GGACT: variants seen among roughly 807,000 people sequenced by gnomAD.
GGACT encodes gamma-glutamylaminecyclotransferase.
For missense variants in GGACT, 241 were observed against 233.2 expected (o/e 1.03, Z -0.22); for synonymous variants, 118 against 115.3 (o/e 1.02, Z -0.15).
chr13:100,530,598 T>C lies in GGACT; in HGVS notation c.*1532A>G, dbSNP rs1333870808. ...AATTAGCACTTGCCATTTTTTCATC[T>C]GATTGCCTTACTACTTCTAGAAGTG... On this transcript the variant is annotated 3_prime_UTR_variant, in exon 3 of 3. Transcript: ENST00000683975. The C allele has an allele frequency of 1.4e-5, 4 of 287,260 alleles. No individual in the cohort carries two copies. Among genetic ancestry groups the C allele is most frequent in the African/African-American group, 2.6e-5 (1 of 37,790 alleles). 17.8% of individuals were successfully genotyped at this position (287,260 alleles called of 1,614,324 possible).
chr13:100,554,296 A>C (rs2088693903), intron 2 of GGACT, among the ~76,000 whole-genome samples: 1 of 152,208 alleles, frequency 6.6e-6, no homozygotes, highest in Non-Finnish European at 1.5e-5. Context: ...TCAGATTGAA[A>C]AAACTCCTAT....
chr13:100,537,312 G>C (rs992787841), intron 2 of GGACT: 2 of 152,372 alleles, frequency 1.3e-5, no homozygotes, highest in African/African-American at 4.8e-5. Flanking sequence ...TTCAGGTACA[G>C]GAGACTCAAG....
chr13:100,581,338 G>A (rs2153017292), intron 2 of GGACT, among the ~76,000 whole-genome samples: 1 of 152,256 alleles, frequency 6.6e-6, no homozygotes, highest in South Asian at 2.1e-4. Context: ...AGGGCATCTA[G>A]CAATATTGGA....
chr13:100,538,332 C>G (rs973330523), intron 2 of GGACT: 3 of 152,172 alleles, frequency 2.0e-5, no homozygotes, highest in Non-Finnish European at 2.9e-5. Flanking sequence ...TGCAAAGCAC[C>G]CTACACTTCC....
At chr13:100,562,812 A>G (rs1203454644) in intron 2 of GGACT, among the ~76,000 whole-genome samples, 2 of 151,968 alleles carry the variant, frequency 1.3e-5, no homozygotes, top group Non-Finnish European at 2.9e-5. Flanking sequence ...AAAAAAAGAA[A>G]AAAAAGAAAA....
chr13:100,579,265 C>T (rs541298641), intron 2 of GGACT, among the ~76,000 whole-genome samples: 18 of 152,288 alleles, frequency 1.2e-4, no homozygotes, highest in Non-Finnish European at 2.4e-4. Context: ...AAAAGAGCAA[C>T]TGCAGCAAAA....
chr13:100,573,345 G>A (rs1875152707), intron 2 of GGACT, among the ~76,000 whole-genome samples: 2 of 152,150 alleles, frequency 1.3e-5, no homozygotes, highest in Admixed American at 1.3e-4. Flanking sequence ...GTGCATATAT[G>A]TGACTTCATT....
At chr13:100,540,543 T>A (rs141119738) in intron 2 of GGACT, among the ~76,000 whole-genome samples, 1 of 152,244 alleles carries the variant, frequency 6.6e-6, no homozygotes. Flanking sequence ...TAAAGGTCTG[T>A]CAATTTTGTT....
chr13:100,550,667 C>T (rs1466752606), intron 2 of GGACT, among the ~76,000 whole-genome samples: 1 of 152,192 alleles, frequency 6.6e-6, no homozygotes, highest in Non-Finnish European at 1.5e-5. Flanking sequence ...AGGCCACTCC[C>T]GAGACAGTGG....
chr13:100,539,656 G>A (rs2088531201), intron 2 of GGACT: 4 of 519,260 alleles, frequency 7.7e-6, no homozygotes, highest in Non-Finnish European at 1.0e-5. Context: ...ATATTAGTCT[G>A]TAGTTTTCTT....
intron 2 of GGACT, among the ~76,000 whole-genome samples, chr13:100,554,834 GAGAAA>G (rs987277675): frequency 1.3e-5 from 2 of 152,138 alleles, no homozygotes; most frequent in African/African-American, 2.4e-5. Context: ...ACGAGAGAGA[GAGAAA>G]AGAAATCATC....
At chr13:100,551,664 C>T (rs1476923175) in intron 2 of GGACT, among the ~76,000 whole-genome samples, 1 of 152,174 alleles carries the variant, frequency 6.6e-6, no homozygotes, top group Non-Finnish European at 1.5e-5. Context: ...GTCCAGGGGG[C>T]ACCTGTGCCC....
At chr13:100,563,459 T>A (rs894565428) in intron 2 of GGACT, among the ~76,000 whole-genome samples, 3 of 152,188 alleles carry the variant, frequency 2.0e-5, no homozygotes, top group Non-Finnish European at 4.4e-5. Context: ...TTTTAAATGG[T>A]TTTCTGTTCT....
chr13:100,544,220 T>C (rs2088583006), intron 2 of GGACT, among the ~76,000 whole-genome samples: 1 of 152,224 alleles, frequency 6.6e-6, no homozygotes, highest in Non-Finnish European at 1.5e-5. Context: ...TCTGATATAG[T>C]TACACATTAA....
Position 100,532,226 on chromosome 13 carries a change from G to A in GGACT, c.366C>T (p.Ala122=). The stretch of plus-strand genomic sequence containing the variant: ...GCTGGGCCCACTCCGGCGGGAAGGT[G>A]GCCCTGCTGTACACGAAGCACTGCA... ...TAVQCFVYSR[A]TFPPEWAQLP... Residue 122 remains alanine (A), a synonymous_variant, in exon 3 of 3, where the codon GCC becomes GCT. Coordinates refer to ENST00000683975, the MANE Select transcript of GGACT (RefSeq NM_001195087.2). The A allele has an allele frequency of 6.7e-7, 1 of 1,489,034 alleles. No individual in the cohort carries two copies. The highest frequency in any genetic ancestry group is 2.5e-5 in the East Asian group (1 of 40,136). 92.2% of individuals were successfully genotyped at this position (1,489,034 alleles called of 1,614,324 possible). A position where few individuals can be genotyped will look rare whatever the true frequency, so the allele number is the denominator to read the frequency against.
chr13:100,537,683 C>G (rs1052861108), intron 2 of GGACT: 1 of 152,256 alleles, frequency 6.6e-6, no homozygotes, highest in African/African-American at 2.4e-5. Flanking sequence ...CACTCTCCCT[C>G]AGAAACCGCT....
chr13:100,549,545 C>G (rs926480855), intron 2 of GGACT, among the ~76,000 whole-genome samples: 6 of 152,244 alleles, frequency 3.9e-5, no homozygotes, highest in African/African-American at 1.4e-4. Context: ...TGTATCATAG[C>G]TAGCTGGTCT....
At chr13:100,582,253 T>C (rs1056809926) in intron 2 of GGACT, among the ~76,000 whole-genome samples, 4 of 152,168 alleles carry the variant, frequency 2.6e-5, no homozygotes, top group African/African-American at 4.8e-5. Context: ...AACTTCCTCT[T>C]ACTGTTGGGA....
At position 100,532,113 on chromosome 13, in the gene GGACT, C is replaced by T. The variant is rs1458516984; in HGVS notation, c.*17G>A. Reference sequence around the variant, plus strand: ...GCCCCAGGGCTCTCAAACCTAGGCCCACCCTGCCCGTCCCCCTTATCTGTT... The same window carrying T: ...GCCCCAGGGCTCTCAAACCTAGGCCTACCCTGCCCGTCCCCCTTATCTGTT... On this transcript the variant is annotated 3_prime_UTR_variant, in exon 3 of 3. Coordinates refer to ENST00000683975, the MANE Select transcript of GGACT (RefSeq NM_001195087.2). 1.4e-6 allele frequency: 2 copies of T among 1,433,664 alleles called. No homozygotes were observed. Among genetic ancestry groups the T allele is most frequent in the Admixed American group, 2.9e-5 (1 of 34,342 alleles). The allele number at this position is 1,433,664 out of a possible 1,614,324, so 88.8% of individuals were successfully genotyped here.
Sources: allele counts gnomAD v4.1 joint callset (sites outside exome capture counted in the v4.1 genomes callset), GRCh38; gene constraint gnomAD v4.1.1; transcripts MANE v1.5; gene names NCBI Gene and HGNC (gene_info 2026-07-23, HGNC 2026-07-21).